Variants in ADAM12 observed in about 807,000 individuals in gnomAD.
ADAM12 encodes the protein disintegrin and metalloproteinase domain-containing protein 12.
In ADAM12, 70 loss-of-function variants were observed where a neutral mutation model predicts 106.4. The observed-to-expected ratio is 0.66, with a 90% CI of 0.54 to 0.80. The LOEUF (loss-of-function observed/expected upper bound fraction) is 0.80, where lower values mean the gene tolerates loss of function less well. Among genes scored for constraint, ADAM12 ranks in the 30% least tolerant of loss-of-function variants. The pLI, the probability that ADAM12 is intolerant of heterozygous loss-of-function variation, is 0.00. For synonymous variants in ADAM12, 420 were observed against 433.5 expected (o/e 0.97, Z 0.39); for missense variants, 1,010 against 1,171.9 (o/e 0.86, Z 2.02).
intron 1 of ADAM12, among the ~76,000 whole-genome samples, chr10:126,340,069 G>A (rs1380446613): frequency 6.6e-6 from 1 of 152,004 alleles, no homozygotes; most frequent in East Asian, 1.9e-4. Flanking sequence ...TGGCCAGCAT[G>A]GTCTTGATCT....
rs577179810 is a variant in ADAM12, at chr10:126,173,495, G to A, written c.261-18190C>T. Among the ~76,000 whole-genome samples the A allele has an allele frequency of 8.5e-5, 13 of 152,248 alleles. No individual in the cohort carries two copies. The East Asian group carries it at 1.4e-3, about 16-fold the overall frequency. ...CCCTGGCCTCCACCCCCAAGATGCC[G>A]GTAACTCTCTCCCAACCAAAACTGT... On this transcript the variant is annotated intron_variant, in intron 3 of 22. Coordinates refer to ENST00000448723, the MANE Select transcript of ADAM12 (RefSeq NM_001288973.2).
Position 126,015,436 on chromosome 10 carries a change from G to A in ADAM12, c.*1843C>T, listed in dbSNP as rs1953645244. The A allele has an allele frequency of 6.6e-6, 1 of 152,214 alleles. No homozygotes were observed. The highest frequency in any genetic ancestry group is 6.5e-5 in the Admixed American group (1 of 15,290). The allele number at this position is 152,214 out of a possible 1,614,324, so 9.4% of individuals were successfully genotyped here. A position where few individuals can be genotyped will look rare whatever the true frequency, so the allele number is the denominator to read the frequency against. ...CAATTACCAAGTGTAATCAGTTACAGTAATTCTGTATGTATCTCAGCAGTA... is the reference window on the plus strand; with the variant it reads ...CAATTACCAAGTGTAATCAGTTACAATAATTCTGTATGTATCTCAGCAGTA... On this transcript the variant is annotated 3_prime_UTR_variant, in exon 23 of 23. Transcript: ENST00000448723.
intron 3 of ADAM12, among the ~76,000 whole-genome samples, chr10:126,241,125 A>G (rs1350960207): frequency 6.6e-6 from 1 of 152,222 alleles, no homozygotes; most frequent in Non-Finnish European, 1.5e-5. Context: ...ACACAAGGGG[A>G]CATGTACTAT....
At chr10:126,343,714 C>T (rs1289244441) in intron 1 of ADAM12, among the ~76,000 whole-genome samples, 2 of 152,154 alleles carry the variant, frequency 1.3e-5, no homozygotes, top group Admixed American at 1.3e-4. Context: ...TTTTAATGAT[C>T]ACCATTCTAA....
intron 1 of ADAM12, among the ~76,000 whole-genome samples, chr10:126,383,230 G>T (rs1177384680): frequency 1.3e-5 from 2 of 152,078 alleles, no homozygotes; most frequent in Non-Finnish European, 2.9e-5. Flanking sequence ...CTCTCAAAGT[G>T]CTGGAATTAC....
intron 3 of ADAM12, among the ~76,000 whole-genome samples, chr10:126,170,427 T>TA (rs1181229407): frequency 0.11 from 15,020 of 139,590 alleles, 2,159 homozygotes; most frequent in African/African-American, 0.33. Flanking sequence ...GTTTTTCCTT[T>TA]AAAAAAAAAA....
chr10:126,085,141 G>T (rs993726186), intron 11 of ADAM12, among the ~76,000 whole-genome samples: 2 of 152,174 alleles, frequency 1.3e-5, no homozygotes, highest in African/African-American at 4.8e-5. Context: ...AAAGCAAATT[G>T]TTTCCCTCAC....
At chr10:126,195,795 A>G (rs1957586837) in intron 3 of ADAM12, among the ~76,000 whole-genome samples, 1 of 152,134 alleles carries the variant, frequency 6.6e-6, no homozygotes, top group Non-Finnish European at 1.5e-5. Context: ...CTCTATTTAT[A>G]TGATACAATT....
intron 3 of ADAM12, among the ~76,000 whole-genome samples, chr10:126,157,846 T>C (rs1674920): frequency 0.63 from 95,502 of 151,748 alleles, 31,353 homozygotes; most frequent in East Asian, 0.77. Context: ...CACGCAGTCA[T>C]GAGCAAAGGA....
At chr10:126,338,246 ATTTT>A (rs200317403) in intron 1 of ADAM12, among the ~76,000 whole-genome samples, 1 of 89,838 alleles carries the variant, frequency 1.1e-5, no homozygotes, top group African/African-American at 4.5e-5. Flanking sequence ...AGTAACTTAC[ATTTT>A]TTTTTTTTTT....
At chr10:126,217,376 T>C (rs1958006111) in intron 3 of ADAM12, among the ~76,000 whole-genome samples, 1 of 151,904 alleles carries the variant, frequency 6.6e-6, no homozygotes, top group Non-Finnish European at 1.5e-5. Flanking sequence ...GAACTTTTTT[T>C]TTTTTTTTGA....
chr10:126,014,957 TTA>T lies in ADAM12; in HGVS notation c.*2320_*2321del, dbSNP rs1953637253. 1 of 152,194 alleles carries T rather than the reference TTA, an allele frequency of 6.6e-6. No homozygotes were observed. The highest frequency in any genetic ancestry group is 2.4e-5 in the African/African-American group (1 of 41,442). The allele number at this position is 152,194 out of a possible 1,614,324, so 9.4% of individuals were successfully genotyped here. On this transcript the variant is annotated 3_prime_UTR_variant, in exon 23 of 23. Transcript: ENST00000448723. ...AACACCCTGGTTATTGGTTCCTAAG[TTA>T]TGTTAAAATGGAATTTGCTGCTAAA...
At chr10:126,240,732 A>C (rs1958505947) in intron 3 of ADAM12, among the ~76,000 whole-genome samples, 1 of 152,184 alleles carries the variant, frequency 6.6e-6, no homozygotes, top group Non-Finnish European at 1.5e-5. Flanking sequence ...AGCAGCTGGA[A>C]CTCAGTGAAA....
intron 2 of ADAM12, among the ~76,000 whole-genome samples, chr10:126,328,422 C>T (rs1854384145): frequency 6.6e-6 from 1 of 152,204 alleles, no homozygotes; most frequent in Middle Eastern, 3.2e-3. Flanking sequence ...AAAATCTTGA[C>T]TTACTGGTAA....
chr10:126,187,120 A>G (rs1035463630), intron 3 of ADAM12, among the ~76,000 whole-genome samples: 2 of 152,146 alleles, frequency 1.3e-5, no homozygotes, highest in Admixed American at 1.3e-4. Context: ...TTTCATTCCA[A>G]CGTTTAGGTG....
At chr10:126,191,250 C>T (rs1957495415) in intron 3 of ADAM12, among the ~76,000 whole-genome samples, 1 of 152,052 alleles carries the variant, frequency 6.6e-6, no homozygotes, top group African/African-American at 2.4e-5. Context: ...GATCTGCCTG[C>T]CTCAGCCTCT....
chr10:126,140,066 C>T (rs924761031), intron 4 of ADAM12, among the ~76,000 whole-genome samples: 4 of 152,122 alleles, frequency 2.6e-5, no homozygotes, highest in Admixed American at 6.5e-5. Context: ...GGCATCAAAG[C>T]GGAAGACAAT....
intron 11 of ADAM12, among the ~76,000 whole-genome samples, chr10:126,082,363 GTTTTTTTT>G (rs5788763): frequency 1.4e-4 from 11 of 80,780 alleles, no homozygotes; most frequent in East Asian, 3.8e-4. Flanking sequence ...TCTAATGACT[GTTTTTTTT>G]TTTTTTTTTT....
In ADAM12 at chr10:126,043,014, C is replaced by T. The variant is rs994914206; in HGVS notation, c.2104+26G>A. On this transcript the variant is annotated intron_variant, in intron 18 of 22. Coordinates refer to ENST00000448723, the MANE Select transcript of ADAM12 (RefSeq NM_001288973.2). The surrounding 1 kb of genome is among the most constrained non-coding windows in gnomAD (Gnocchi z 4.1). ...CGCCCCCAGGTGCTCAGCCTCCTCC[C>T]ACCGGGATGCAGGGGCTTCACTGAC... is the stretch of plus-strand genomic sequence containing the variant. 4 of 1,609,862 alleles carry T rather than the reference C, an allele frequency of 2.5e-6. No individual in the cohort carries two copies. Among genetic ancestry groups the T allele is most frequent in the African/African-American group, 1.3e-5 (1 of 75,002 alleles).
Sources: gnomAD v4.1 joint callset for allele counts (sites outside exome capture counted in the v4.1 genomes callset) on GRCh38, gnomAD v4.1.1 for gene constraint, Gnocchi (gnomAD v3.1) non-coding constraint, MANE v1.5 for transcripts, NCBI Gene and HGNC (gene_info 2026-07-23, HGNC 2026-07-21) for gene names.